GSG1L: variants seen among roughly 807,000 people sequenced by gnomAD.
The protein encoded by GSG1L is GSG1 like.
A neutral mutation model predicts 42.1 loss-of-function variants in GSG1L; 24 were observed. The observed-to-expected ratio is 0.57, with a 90% CI of 0.41 to 0.80. The LOEUF (loss-of-function observed/expected upper bound fraction) is 0.80. Ranked by LOEUF, GSG1L falls within the 30% of genes least tolerant of loss-of-function variation. GSG1L has a pLI of 0.00. For synonymous variants in GSG1L, 215 were observed against 203.5 expected (o/e 1.06, Z -0.48); for missense variants, 445 against 472.2 (o/e 0.94, Z 0.53).
intron 5 of GSG1L, among the ~76,000 whole-genome samples, chr16:27,827,340 A>C (rs2083221857): frequency 6.6e-6 from 1 of 152,114 alleles, no homozygotes; most frequent in Non-Finnish European, 1.5e-5. Flanking sequence ...TAGGCCTGGG[A>C]GGCAGACAGA....
intron 1 of GSG1L, among the ~76,000 whole-genome samples, chr16:27,997,342 C>G (rs986434482): frequency 1.1e-4 from 8 of 74,436 alleles, no homozygotes; most frequent in Non-Finnish European, 2.0e-4. Context: ...TTTTTTGAGA[C>G]AGAGTCTTGC....
At chr16:27,943,889 A>G (rs946894825) in intron 2 of GSG1L, among the ~76,000 whole-genome samples, 7 of 152,004 alleles carry the variant, frequency 4.6e-5, no homozygotes, top group Non-Finnish European at 1.0e-4. Flanking sequence ...AATATTTTCT[A>G]TAAAGGGACA....
intron 2 of GSG1L, among the ~76,000 whole-genome samples, chr16:27,940,931 T>C (rs1210784075): frequency 3.9e-5 from 6 of 151,954 alleles, no homozygotes; most frequent in Non-Finnish European, 8.8e-5. Flanking sequence ...AAGAGAAGGA[T>C]GGATAAATTT....
chr16:27,925,037 T>C (rs1284455060), intron 2 of GSG1L, among the ~76,000 whole-genome samples: 1 of 152,106 alleles, frequency 6.6e-6, no homozygotes, highest in African/African-American at 2.4e-5. Context: ...GGACTGGGGA[T>C]TTAGGAGCTC....
At chr16:27,917,853 T>C (rs1292782481) in intron 2 of GSG1L, among the ~76,000 whole-genome samples, 1 of 152,164 alleles carries the variant, frequency 6.6e-6, no homozygotes, top group Non-Finnish European at 1.5e-5. Context: ...TTTCTAACTT[T>C]TGGCTCCATC....
At chr16:28,016,364 G>C (rs1357283993) in intron 1 of GSG1L, among the ~76,000 whole-genome samples, 3 of 152,232 alleles carry the variant, frequency 2.0e-5, no homozygotes, top group Non-Finnish European at 4.4e-5. Context: ...ACATCTCTGA[G>C]GAGGAAGCAG....
chr16:27,929,946 C>T (rs2084637512), intron 2 of GSG1L, among the ~76,000 whole-genome samples: 2 of 152,134 alleles, frequency 1.3e-5, no homozygotes, highest in African/African-American at 2.4e-5. Flanking sequence ...TACCCTAGAA[C>T]AGGCCATGTG....
intron 2 of GSG1L, among the ~76,000 whole-genome samples, chr16:27,898,571 C>T (rs1381281637): frequency 6.6e-6 from 1 of 151,876 alleles, no homozygotes; most frequent in Non-Finnish European, 1.5e-5. Flanking sequence ...CCTCCTCTTT[C>T]TTCTCCTCTC....
chr16:27,856,957 C>A (rs1250339875), intron 3 of GSG1L, among the ~76,000 whole-genome samples: 1 of 152,176 alleles, frequency 6.6e-6, no homozygotes, highest in African/African-American at 2.4e-5. Flanking sequence ...TAGGTGCACA[C>A]ACCAGTTCTC....
intron 3 of GSG1L, among the ~76,000 whole-genome samples, chr16:27,852,953 C>G (rs1271325147): frequency 6.6e-6 from 1 of 152,148 alleles, no homozygotes; most frequent in Admixed American, 6.5e-5. Flanking sequence ...CGCTTACTTC[C>G]CAGCAAACCA....
chr16:27,990,532 A>C (rs28856356), intron 1 of GSG1L, among the ~76,000 whole-genome samples: 11,775 of 152,166 alleles, frequency 0.077, 1,419 homozygotes, highest in African/African-American at 0.26. Flanking sequence ...GGTCCTCTGG[A>C]AAGACTGGCC....
intron 3 of GSG1L, among the ~76,000 whole-genome samples, chr16:27,846,271 AC>A (rs2083442220): frequency 6.6e-6 from 1 of 152,126 alleles, no homozygotes. Flanking sequence ...CCTCTTTATT[AC>A]TGCCCAATGC....
rs534494262 is a variant in GSG1L at position 27,904,351 on chromosome 16, T to C, written c.398-19713A>G. ...TCCCAAAGCGCTGGGATTATGGGTG[T>C]CAGCCACCATGCCCAGTCTTCTAAG... On this transcript the variant is annotated intron_variant, in intron 2 of 6. Transcript: ENST00000447459. Among the ~76,000 whole-genome samples, 218 of 152,228 alleles carry C rather than the reference T, an allele frequency of 1.4e-3. 1 individual carries two copies. In the Middle Eastern group the frequency reaches 0.017, roughly 12 times the overall value.
chr16:27,791,965 A>C (rs2082760143), intron 6 of GSG1L, among the ~76,000 whole-genome samples: 2 of 150,892 alleles, frequency 1.3e-5, no homozygotes, highest in Admixed American at 1.3e-4. Flanking sequence ...CCACGACAGC[A>C]CCCCCTGCAG....
intron 6 of GSG1L, 109 bp from the exon 7 acceptor site, chr16:27,791,576 C>T (rs1254847954): frequency 3.2e-6 from 2 of 618,526 alleles, no homozygotes; most frequent in Non-Finnish European, 4.9e-6. Context: ...ATTTACTAGG[C>T]CTTCTGCCCA....
intron 1 of GSG1L, 101 bp downstream of exon 1, chr16:28,062,975 G>C (rs1327841291): frequency 4.1e-6 from 5 of 1,207,666 alleles, no homozygotes; most frequent in Middle Eastern, 6.5e-4. Context: ...GCTGGGCCCA[G>C]GCGGCGGGAG....
At chr16:27,879,542 A>G (rs566784639) in intron 3 of GSG1L, among the ~76,000 whole-genome samples, 2 of 152,322 alleles carry the variant, frequency 1.3e-5, no homozygotes, top group Admixed American at 6.5e-5. Context: ...TTGAACCCAG[A>G]AGGTCGACAC....
intron 2 of GSG1L, among the ~76,000 whole-genome samples, chr16:27,914,611 C>T (rs2084430259): frequency 1.3e-5 from 2 of 151,056 alleles, no homozygotes; most frequent in Non-Finnish European, 2.9e-5. Context: ...GCAGCCTCGA[C>T]CTCCCAGGCT....
intron 1 of GSG1L, among the ~76,000 whole-genome samples, chr16:27,991,093 T>C (rs2085450773): frequency 6.6e-6 from 1 of 152,222 alleles, no homozygotes; most frequent in African/African-American, 2.4e-5. Flanking sequence ...GTGATTTTTC[T>C]TTGGTAGAAA....
Sources: gnomAD v4.1 joint callset for allele counts (sites outside exome capture counted in the v4.1 genomes callset) on GRCh38, gnomAD v4.1.1 for gene constraint, MANE v1.5 for transcripts, NCBI Gene and HGNC (gene_info 2026-07-23, HGNC 2026-07-21) for gene names.